Variants in CLEC3A observed in about 807,000 individuals in gnomAD.
CLEC3A encodes C-type lectin domain family 3 member A.
In CLEC3A, 28 loss-of-function variants were observed where a neutral mutation model predicts 20.4. That is an observed-to-expected ratio of 1.37 (90% CI 1.02 to 1.88). The LOEUF (loss-of-function observed/expected upper bound fraction) is 1.88, where lower values mean the gene tolerates loss of function less well. Among genes scored for constraint, CLEC3A ranks in the 40% most tolerant of loss-of-function variants. The pLI is 0.00. For synonymous variants in CLEC3A, 110 were observed against 88.1 expected, an observed-to-expected ratio of 1.25 and a Z score of -1.39; for missense variants, 357 against 240.4, an observed-to-expected ratio of 1.48 and a Z score of -3.21.
chr16:78,028,041 C>T, intron 1 of CLEC3A, 66 bp from the exon 2 acceptor site: 1 of 1,136,484 alleles, frequency 8.8e-7, no homozygotes, highest in Non-Finnish European at 1.3e-6. Flanking sequence ...CATTCCAAAG[C>T]TTGATTTTAT....
chr16:78,030,077 C>T (rs1029491544), intron 2 of CLEC3A, among the ~76,000 whole-genome samples: 1 of 139,242 alleles, frequency 7.2e-6, no homozygotes, highest in African/African-American at 2.6e-5. Context: ...GGCGTGAATC[C>T]GGGAGGCGGA....
intron 1 of CLEC3A, among the ~76,000 whole-genome samples, chr16:78,024,693 C>T (rs2018790971): frequency 6.6e-6 from 1 of 152,090 alleles, no homozygotes; most frequent in African/African-American, 2.4e-5. Context: ...GTTTAAGTAC[C>T]TTGAAATATA....
In CLEC3A at chr16:78,027,766, A is replaced by C. The variant is rs150008074; in HGVS notation, c.116-341A>C. 4.3e-3 allele frequency among the ~76,000 whole-genome samples: 652 copies of C among 152,104 alleles called. 4 individuals carry two copies. The highest frequency in any genetic ancestry group is 0.015 in the African/African-American group (610 of 41,466). On this transcript the variant is annotated intron_variant, in intron 1 of 2. Coordinates refer to ENST00000299642, the MANE Select transcript of CLEC3A (RefSeq NM_005752.6). ...TGCCTCCCAAGTTGAAGCAGTTCTCATGCCTCAGCTTCCCAAATAGCTGGA... is the reference window on the plus strand; with the variant it reads ...TGCCTCCCAAGTTGAAGCAGTTCTCCTGCCTCAGCTTCCCAAATAGCTGGA...
At chr16:78,027,260 T>C (rs1455791292) in intron 1 of CLEC3A, among the ~76,000 whole-genome samples, 3 of 151,932 alleles carry the variant, frequency 2.0e-5, no homozygotes, top group African/African-American at 4.8e-5. Context: ...CTATAAAATA[T>C]GGAATAAAAT....
At position 78,030,796 on chromosome 16, in the gene CLEC3A, T is replaced by TCGCAA; in HGVS notation, c.553_554insACGCA (p.Ser185AsnfsTer29). 6.2e-7 allele frequency: 1 copy of TCGCAA among 1,614,074 alleles called. No individual in the cohort carries two copies. The highest frequency in any genetic ancestry group is 8.5e-7 in the Non-Finnish European group (1 of 1,180,004). Reference sequence around the variant, plus strand: ...AGGGCAAGTGGAGTGATGAGGCCTGTCGCAGCAGCAAGAGATACATATGCG... The same window carrying TCGCAA: ...AGGGCAAGTGGAGTGATGAGGCCTGTCGCAACGCAGCAGCAAGAGATACATATGCG... On this transcript the variant is annotated frameshift_variant, in exon 3 of 3. Transcript: ENST00000299642. LOFTEE classifies it high-confidence loss of function.
At chr16:78,023,040 G>T (rs1360441241) in intron 1 of CLEC3A, among the ~76,000 whole-genome samples, 3 of 152,318 alleles carry the variant, frequency 2.0e-5, no homozygotes, top group Middle Eastern at 3.4e-3. Flanking sequence ...TTCAGAGGAA[G>T]CTCAAGTGGA....
intron 2 of CLEC3A, among the ~76,000 whole-genome samples, chr16:78,029,511 G>T (rs1324550584): frequency 6.6e-6 from 1 of 151,978 alleles, no homozygotes; most frequent in Non-Finnish European, 1.5e-5. Context: ...TGGGATTATA[G>T]GCACACACCA....
In CLEC3A at chr16:78,028,154, G is replaced by A. The variant is rs2029980501; in HGVS notation, c.163G>A (p.Val55Ile). The change falls in exon 2 of 3, where the codon GTC becomes ATC. Residue 55 changes from valine (V) to isoleucine (I), a missense_variant. Physicochemically the swap from Val to Ile is conservative, Grantham distance 29 (BLOSUM62 3). Transcript: ENST00000299642. ...TCAAATTGAAAAGCTCTGGACAGAAGTCAATGCCTTGAAGGAAATTCAAGC... is the reference window on the plus strand; with the variant it reads ...TCAAATTGAAAAGCTCTGGACAGAAATCAATGCCTTGAAGGAAATTCAAGC... ...KTQIEKLWTE[V>I]NALKEIQALQ... The A allele has an allele frequency of 6.2e-7, 1 of 1,611,360 alleles. No homozygotes were observed. Among genetic ancestry groups the A allele is most frequent in the Non-Finnish European group, 8.5e-7 (1 of 1,179,382 alleles).
intron 1 of CLEC3A, among the ~76,000 whole-genome samples, chr16:78,026,739 C>A (rs889476439): frequency 6.6e-6 from 1 of 152,180 alleles, no homozygotes; most frequent in Non-Finnish European, 1.5e-5. Flanking sequence ...CCTTATTACA[C>A]CTGAAATTTC....
intron 1 of CLEC3A, among the ~76,000 whole-genome samples, chr16:78,026,999 T>C (rs1254801957): frequency 6.6e-6 from 1 of 152,206 alleles, no homozygotes; most frequent in Non-Finnish European, 1.5e-5. Context: ...GTATGAATTC[T>C]GCCATGTATC....
In CLEC3A at chr16:78,030,640, C is replaced by T. The variant is rs1481051140; in HGVS notation, c.393C>T (p.Gly131=). 1 of 1,614,082 alleles carries T rather than the reference C, an allele frequency of 6.2e-7. No individual in the cohort carries two copies. Among genetic ancestry groups the T allele is most frequent in the Admixed American group, 1.7e-5 (1 of 60,004 alleles). The change falls in exon 3 of 3, where the codon GGC becomes GGT. Residue 131 remains glycine (G), a synonymous_variant. Coordinates refer to ENST00000299642, the MANE Select transcript of CLEC3A (RefSeq NM_005752.6). ...SLPGVNDFWL[G]INDMVTEGKF... ...CAGGTGTCAATGACTTTTGGCTGGG[C>T]ATCAATGACATGGTCACGGAAGGCA...
At chr16:78,023,069 T>G (rs556264173) in intron 1 of CLEC3A, among the ~76,000 whole-genome samples, 24 of 152,350 alleles carry the variant, frequency 1.6e-4, no homozygotes, top group Non-Finnish European at 2.5e-4. Flanking sequence ...AATCTGGTGT[T>G]ATTAATATGG....
rs1193542770 is a variant in CLEC3A at position 78,031,892 on chromosome 16, T to C, written c.*1051T>C. 6.6e-6 allele frequency: 1 copy of C among 152,464 alleles called. No homozygotes were observed. The highest frequency in any genetic ancestry group is 1.5e-5 in the Non-Finnish European group (1 of 68,028). The allele number at this position is 152,464 out of a possible 1,614,324, so 9.4% of individuals were successfully genotyped here. ...TGTACAAAATAACTTCATTGCTTAATATCAAATTACAAAGTTTAGACTTGG... is the reference window on the plus strand; with the variant it reads ...TGTACAAAATAACTTCATTGCTTAACATCAAATTACAAAGTTTAGACTTGG... On this transcript the variant is annotated 3_prime_UTR_variant, in exon 3 of 3. Coordinates refer to ENST00000299642, the MANE Select transcript of CLEC3A (RefSeq NM_005752.6).
At chr16:78,027,276 G>C (rs569804491) in intron 1 of CLEC3A, among the ~76,000 whole-genome samples, 10 of 152,188 alleles carry the variant, frequency 6.6e-5, no homozygotes, top group Non-Finnish European at 1.5e-4. Flanking sequence ...AAAATAAAAT[G>C]TGAACTGAGA....
chr16:78,025,408 A>G (rs1057237952), intron 1 of CLEC3A, among the ~76,000 whole-genome samples: 11 of 152,226 alleles, frequency 7.2e-5, no homozygotes, highest in African/African-American at 2.7e-4. Flanking sequence ...TTCCAGAAGT[A>G]AAATTGCAGG....
In CLEC3A at chr16:78,028,214, C is replaced by T. The variant is rs200809486; in HGVS notation, c.199+24C>T. ...AGGTAAGGTGCAGACCTTCTCAGTG[C>T]CTTGTCCCAAAGGAGACAGGAAAAT... On this transcript the variant is annotated intron_variant, in intron 2 of 2. Coordinates refer to ENST00000299642, the MANE Select transcript of CLEC3A (RefSeq NM_005752.6). 3.5e-5 allele frequency: 53 copies of T among 1,524,652 alleles called. No individual in the cohort carries two copies. The African/African-American group carries it at 5.7e-4, about 16-fold the overall frequency. 94.4% of individuals were successfully genotyped at this position (1,524,652 alleles called of 1,614,324 possible). A position where few individuals can be genotyped will look rare whatever the true frequency, so the allele number is the denominator to read the frequency against.
chr16:78,023,455 A>G (rs975797195), intron 1 of CLEC3A, among the ~76,000 whole-genome samples: 1 of 152,204 alleles, frequency 6.6e-6, no homozygotes, highest in Non-Finnish European at 1.5e-5. Flanking sequence ...GAAAAGAACA[A>G]TGATGATAGC....
intron 2 of CLEC3A, 60 bp downstream of exon 2, chr16:78,028,250 A>G (rs543609872): frequency 7.2e-6 from 9 of 1,252,360 alleles, no homozygotes; most frequent in Non-Finnish European, 1.0e-5. Flanking sequence ...TTCTGGGTCA[A>G]TTTCTGGGGG....
intron 1 of CLEC3A, 125 bp downstream of exon 1, chr16:78,022,866 A>G: frequency 4.4e-6 from 4 of 919,274 alleles, no homozygotes; most frequent in East Asian, 2.8e-5. Flanking sequence ...CATCATCCCT[A>G]TATGGCATTT....
Sources: gnomAD v4.1 joint callset for allele counts (sites outside exome capture counted in the v4.1 genomes callset) on GRCh38, gnomAD v4.1.1 for gene constraint, MANE v1.5 for transcripts, NCBI Gene and HGNC (gene_info 2026-07-23, HGNC 2026-07-21) for gene names.